EYS: variants seen among roughly 807,000 people sequenced by gnomAD.
EYS encodes the protein protein eyes shut homolog.
EYS carries 250 observed loss-of-function variants against 282.1 expected under a neutral mutation model. The observed-to-expected ratio is 0.89, with a 90% CI of 0.80 to 0.98. The LOEUF (loss-of-function observed/expected upper bound fraction) is 0.98. Ranked by LOEUF, EYS falls within the 50% of genes least tolerant of loss-of-function variation. EYS has a pLI of 0.00. For missense variants in EYS, 4,016 were observed against 3,709.0 expected, an observed-to-expected ratio of 1.08 and a Z score of -2.15; for synonymous variants, 1,355 against 1,282.9, an observed-to-expected ratio of 1.06 and a Z score of -1.20.
intron 14 of EYS, among the ~76,000 whole-genome samples, chr6:64,961,512 C>G (rs1201247254): frequency 6.6e-6 from 1 of 151,726 alleles, no homozygotes; most frequent in Non-Finnish European, 1.5e-5. Flanking sequence ...TTTGTATATA[C>G]ATGCATATCT....
chr6:65,122,241 T>C lies in EYS; in HGVS notation c.2024-64514A>G, dbSNP rs115301799. ...TGAATATACTAAAAAAGCAGGTTTT[T>C]CAAATGTAGTCCAGAATAACTTGGC... On this transcript the variant is annotated intron_variant, in intron 12 of 42. Transcript: ENST00000503581. Among the ~76,000 whole-genome samples the C allele has an allele frequency of 6.1e-3, 926 of 152,214 alleles. 10 individuals are homozygous for C. Among genetic ancestry groups the C allele is most frequent in the African/African-American group, 0.021 (878 of 41,550 alleles).
intron 36 of EYS, among the ~76,000 whole-genome samples, chr6:63,857,014 G>A (rs983202562): frequency 7.2e-5 from 11 of 152,116 alleles, no homozygotes; most frequent in African/African-American, 2.7e-4. Flanking sequence ...TTATTAAAAA[G>A]CAGAGGTTTA....
intron 6 of EYS, 145 bp downstream of exon 6, chr6:65,405,029 T>C (rs949297695): frequency 5.1e-5 from 29 of 568,974 alleles, no homozygotes; most frequent in Non-Finnish European, 8.4e-5. Context: ...TAGGAAAAAT[T>C]AAAATAAGTA....
intron 26 of EYS, among the ~76,000 whole-genome samples, chr6:64,562,936 T>C (rs898242428): frequency 1.2e-4 from 19 of 152,008 alleles, no homozygotes; most frequent in South Asian, 4.1e-4. Flanking sequence ...TCTCTATAAA[T>C]TGCATAACTG....
intron 31 of EYS, among the ~76,000 whole-genome samples, chr6:64,140,189 C>T (rs950979341): frequency 6.6e-6 from 1 of 151,964 alleles, no homozygotes; most frequent in Non-Finnish European, 1.5e-5. Context: ...GGGGTAACCC[C>T]CCATCTATTT....
intron 22 of EYS, among the ~76,000 whole-genome samples, chr6:64,724,613 C>T (rs781449928): frequency 6.6e-6 from 1 of 152,148 alleles, no homozygotes; most frequent in African/African-American, 2.4e-5. Flanking sequence ...CACATGCTAA[C>T]ACAAAGCATT....
intron 2 of EYS, among the ~76,000 whole-genome samples, chr6:65,569,191 G>GCTCCCCCA (rs113181467): frequency 3.9e-5 from 6 of 152,136 alleles, no homozygotes; most frequent in African/African-American, 1.4e-4. Flanking sequence ...CGGCTCAAAA[G>GCTCCCCCA]CTCCCCCACT....
chr6:64,950,544 A>T (rs1769452477), intron 14 of EYS, among the ~76,000 whole-genome samples: 1 of 151,446 alleles, frequency 6.6e-6, no homozygotes, highest in Admixed American at 6.6e-5. Context: ...AATATGCCAG[A>T]AATGGAAATA....
intron 26 of EYS, among the ~76,000 whole-genome samples, chr6:64,550,000 C>T (rs1048147070): frequency 2.6e-5 from 4 of 151,928 alleles, no homozygotes; most frequent in African/African-American, 4.8e-5. Flanking sequence ...GGTTTTTTGT[C>T]CTTGCGATAG....
intron 19 of EYS, among the ~76,000 whole-genome samples, chr6:64,833,757 T>C (rs1051968644): frequency 1.3e-5 from 2 of 152,002 alleles, no homozygotes; most frequent in African/African-American, 2.4e-5. Flanking sequence ...GGAAAGTACA[T>C]GATAAGCACT....
chr6:64,740,802 C>T (rs1288323312), intron 22 of EYS, among the ~76,000 whole-genome samples: 1 of 151,462 alleles, frequency 6.6e-6, no homozygotes, highest in East Asian at 1.9e-4. Flanking sequence ...CAAGCTCCGC[C>T]TCCTGGGTTC....
chr6:65,088,141 A>G (rs1774441145), intron 12 of EYS, among the ~76,000 whole-genome samples: 1 of 152,124 alleles, frequency 6.6e-6, no homozygotes, highest in Non-Finnish European at 1.5e-5. Context: ...TCCTTTGTAA[A>G]TTACCCAGTC....
At position 64,294,909 on chromosome 6, in the gene EYS, C is replaced by A. The variant is rs140027533; in HGVS notation, c.6191+12061G>T. Among the ~76,000 whole-genome samples, 387 of 152,230 alleles carry A rather than the reference C, an allele frequency of 2.5e-3. 3 individuals carry two copies. The highest frequency in any genetic ancestry group is 8.7e-3 in the African/African-American group (361 of 41,524). On this transcript the variant is annotated intron_variant, in intron 30 of 42. Transcript: ENST00000503581. ...AAAGGGGGGTATGCATAATGTATTT[C>A]TGCTGTATGCTGGAGTAAGATGATT...
intron 2 of EYS, among the ~76,000 whole-genome samples, chr6:65,614,725 T>C (rs1766123937): frequency 6.6e-6 from 1 of 150,914 alleles, no homozygotes; most frequent in South Asian, 2.1e-4. Flanking sequence ...ACAGTATTTG[T>C]TTTTTATTTG....
intron 12 of EYS, among the ~76,000 whole-genome samples, chr6:65,293,501 T>C (rs903333775): frequency 6.6e-6 from 1 of 151,850 alleles, no homozygotes; most frequent in Admixed American, 6.6e-5. Context: ...CAGAGATTAG[T>C]GGTTTTCTGC....
intron 31 of EYS, among the ~76,000 whole-genome samples, chr6:64,177,266 GT>G (rs1241887598): frequency 6.7e-6 from 1 of 150,286 alleles, no homozygotes; most frequent in Non-Finnish European, 1.5e-5. Flanking sequence ...TTCTTTCTGT[GT>G]TTTTTATTTT....
intron 33 of EYS, among the ~76,000 whole-genome samples, chr6:64,029,793 G>A (rs1338862538): frequency 6.6e-6 from 1 of 152,192 alleles, no homozygotes; most frequent in Non-Finnish European, 1.5e-5. Flanking sequence ...AGAACTAGTG[G>A]CACTTACCCG....
chr6:65,576,093 C>T (rs1202347615), intron 2 of EYS, among the ~76,000 whole-genome samples: 1 of 151,890 alleles, frequency 6.6e-6, no homozygotes, highest in Non-Finnish European at 1.5e-5. Context: ...GTCAGCATTA[C>T]CCAAATACCA....
At chr6:65,228,968 G>A (rs1046418100) in intron 12 of EYS, among the ~76,000 whole-genome samples, 2 of 151,896 alleles carry the variant, frequency 1.3e-5, no homozygotes, top group East Asian at 3.9e-4. Flanking sequence ...AAAAGAAAGA[G>A]CCAGTCTTAA....
Sources: gnomAD v4.1 joint callset for allele counts (sites outside exome capture counted in the v4.1 genomes callset) on GRCh38, gnomAD v4.1.1 for gene constraint, MANE v1.5 for transcripts, NCBI Gene and HGNC (gene_info 2026-07-23, HGNC 2026-07-21) for gene names.